Variants in SHOX observed in about 807,000 individuals in gnomAD.
The protein encoded by SHOX is SHOX homeobox.
A neutral mutation model predicts 29.6 loss-of-function variants in SHOX; 12 were observed. That is an observed-to-expected ratio of 0.41 (90% CI 0.26 to 0.66). SHOX has a LOEUF of 0.66. Ranked by LOEUF, SHOX falls within the 30% of genes least tolerant of loss-of-function variation. SHOX has a pLI of 0.35. For missense variants in SHOX, 499 were observed against 437.7 expected (o/e 1.14, Z -1.25); for synonymous variants, 214 against 200.6 (o/e 1.07, Z -0.57).
chrX:625,575 C>T (rs867196385), intron 1 of SHOX, among the ~76,000 whole-genome samples: 7 of 143,244 alleles, frequency 4.9e-5, no homozygotes, highest in East Asian at 2.1e-4. Flanking sequence ...TATCTCTGTC[C>T]ATCTCTGTCT....
intron 4 of SHOX, 39 bp downstream of exon 4, chrX:641,126 C>G (rs1439831573): frequency 7.0e-6 from 11 of 1,577,166 alleles, no homozygotes; most frequent in Non-Finnish European, 9.6e-6. Context: ...CCCTAGGGAC[C>G]TGCTGCTCCC....
rs188367048 is a variant in SHOX at position 651,247 on chromosome X, C to T, written c.*6611C>T. On this transcript the variant is annotated 3_prime_UTR_variant, in exon 5 of 5. Coordinates refer to ENST00000686671, the MANE Select transcript of SHOX (RefSeq NM_000451.4). ...TTTCCCTCCCCCATTGACGACATAG[C>T]GGCCCCCGCGTCCGGGTTACAAATA... The T allele has an allele frequency of 4.8e-3, 2,183 of 452,520 alleles. 11 individuals are homozygous for T. Among genetic ancestry groups the T allele is most frequent in the Non-Finnish European group, 7.6e-3 (1,705 of 224,946 alleles). The allele number at this position is 452,520 out of a possible 1,614,324, so 28.0% of individuals were successfully genotyped here.
At chrX:631,354 G>A (rs973116863) in intron 1 of SHOX, 180 bp downstream of exon 1, 11 of 332,482 alleles carry the variant, frequency 3.3e-5, no homozygotes, top group Non-Finnish European at 3.9e-5. Flanking sequence ...GGACCCGACC[G>A]GAGACGCGGG....
intron 1 of SHOX, 34 bp downstream of exon 1, chrX:631,208 C>T (rs1305058289): frequency 3.1e-6 from 5 of 1,611,040 alleles, no homozygotes; most frequent in African/African-American, 1.3e-5. Context: ...CCAGGGGGGC[C>T]CTCCTGGGGT....
chrX:624,386 C>G lies in SHOX; in HGVS notation c.-649C>G, dbSNP rs886039879. On this transcript the variant is annotated 5_prime_UTR_variant, in exon 1 of 6. Coordinates refer to the SHOX transcript ENST00000334060. ...GTCCTGAGAACAGGGGCTCCCCACA[C>G]TTTTTTTTTTTTTGGTTTTGTTTTA... is the stretch of plus-strand genomic sequence containing the variant. 3.1e-5 allele frequency: 4 copies of G among 130,934 alleles called. No homozygotes were observed. Among genetic ancestry groups the G allele is most frequent in the Admixed American group, 7.7e-5 (1 of 13,036 alleles). The allele number at this position is 130,934 out of a possible 1,614,324, so 8.1% of individuals were successfully genotyped here. A position where few individuals can be genotyped will look rare whatever the true frequency, so the allele number is the denominator to read the frequency against.
Position 631,133 on chromosome X carries a change from A to T in SHOX, c.236A>T (p.Lys79Met), listed in dbSNP as rs1556457962. Residue 79 changes from lysine (K) to methionine (M), a missense_variant, in exon 1 of 5, where the codon AAG becomes ATG. Lys to Met is a moderately conservative substitution (Grantham distance 95). Coordinates refer to ENST00000686671, the MANE Select transcript of SHOX (RefSeq NM_000451.4). ...HLFKDHVDND[K>M]EKLKEFGTAR... is the part of the protein sequence containing the mutation. The stretch of plus-strand genomic sequence containing the variant: ...TTCAAGGACCACGTAGACAATGACA[A>T]GGAGAAACTGAAAGAATTCGGCACC... The T allele has an allele frequency of 1.2e-6, 2 of 1,613,520 alleles. No individual in the cohort carries two copies. The highest frequency in any genetic ancestry group is 1.7e-6 in the Non-Finnish European group (2 of 1,179,860).
chrX:626,345 T>C (rs374853805), upstream of SHOX, among the ~76,000 whole-genome samples: 1 of 91,660 alleles, frequency 1.1e-5, no homozygotes, highest in Admixed American at 1.0e-4. Context: ...TGTATCTCTG[T>C]CTATCTCTGT....
chrX:624,906 C>CT (rs1301556296), intron 1 of SHOX, among the ~76,000 whole-genome samples: 2 of 80,702 alleles, frequency 2.5e-5, no homozygotes, highest in African/African-American at 1.3e-4. Flanking sequence ...TTCTTTCTCT[C>CT]TTCCTTTCTT....
At chrX:652,813 G>GA (rs1378484833), downstream of SHOX, among the ~76,000 whole-genome samples, 1 of 152,194 alleles carries the variant, frequency 6.6e-6, no homozygotes, top group Non-Finnish European at 1.5e-5. Flanking sequence ...CCGGACAGAA[G>GA]AAAAATGGTG....
chrX:642,617 A>T (rs2052875582), intron 4 of SHOX, among the ~76,000 whole-genome samples: 2 of 152,054 alleles, frequency 1.3e-5, no homozygotes. Context: ...TACTTCTTGT[A>T]CCGTCTTTTG....
chrX:632,034 A>G (rs1182562171), intron 1 of SHOX: 1 of 455,452 alleles, frequency 2.2e-6, no homozygotes, highest in Non-Finnish European at 4.4e-6. Context: ...GTTTCCTTTA[A>G]GGAACCCTTC....
chrX:644,684 C>A lies in SHOX; in HGVS notation c.*48C>A. 6 of 1,376,712 alleles carry A rather than the reference C, an allele frequency of 4.4e-6. No individual in the cohort carries two copies. The highest frequency in any genetic ancestry group is 3.0e-5 in the East Asian group (1 of 33,050). 85.3% of individuals were successfully genotyped at this position (1,376,712 alleles called of 1,614,324 possible). ...GCCCGGACTCCCGGGCTCCGCGCAC[C>A]CCGCCTGCACCGCGCGTCCTGCACT... On this transcript the variant is annotated 3_prime_UTR_variant, in exon 5 of 5. Coordinates refer to ENST00000686671, the MANE Select transcript of SHOX (RefSeq NM_000451.4).
chrX:653,683 GT>G (rs2053099498), downstream of SHOX, among the ~76,000 whole-genome samples: 1 of 152,060 alleles, frequency 6.6e-6, no homozygotes, highest in Non-Finnish European at 1.5e-5. Context: ...AGATCTTTGA[GT>G]TTTTATGTAA....
At position 644,549 on chromosome X, in the gene SHOX, C is replaced by A; in HGVS notation, c.792C>A (p.Ala264=). 6.6e-7 allele frequency: 1 copy of A among 1,517,952 alleles called. No individual in the cohort carries two copies. The highest frequency in any genetic ancestry group is 1.4e-5 in the African/African-American group (1 of 70,482). The allele number at this position is 1,517,952 out of a possible 1,614,324, so 94.0% of individuals were successfully genotyped here. A position where few individuals can be genotyped will look rare whatever the true frequency, so the allele number is the denominator to read the frequency against. The change falls in exon 5 of 5, where the codon GCC becomes GCA. Residue 264 remains alanine, a synonymous_variant. Transcript: ENST00000686671. ...AESASAAAVV[A]AAAKSNSKNS... ...CCGCCTCGGCCGCCGCCGTGGTCGC[C>A]GCCGCCGCCAAAAGCAACAGCAAGA...
chrX:634,218 C>A (rs1248063950), intron 1 of SHOX, among the ~76,000 whole-genome samples: 2 of 152,208 alleles, frequency 1.3e-5, no homozygotes, highest in Non-Finnish European at 2.9e-5. Flanking sequence ...GCAACCCGCC[C>A]CGGGTCCTCC....
At chrX:625,055 C>CTT (rs1421316085) in intron 1 of SHOX, among the ~76,000 whole-genome samples, 1 of 37,834 alleles carries the variant, frequency 2.6e-5, no homozygotes, top group Non-Finnish European at 5.0e-5. Context: ...CCCTCTGTTC[C>CTT]TTCCTCCCTC....
chrX:652,182 G>A (rs893375551), downstream of SHOX, among the ~76,000 whole-genome samples: 4 of 151,892 alleles, frequency 2.6e-5, no homozygotes, highest in Non-Finnish European at 4.4e-5. Flanking sequence ...GTCTGGGCCC[G>A]GCCGGTGATG....
At chrX:624,463 A>T (rs948828630) in exon 1 of SHOX, 1 of 151,528 alleles carries the variant, frequency 6.6e-6, no homozygotes, top group African/African-American at 2.4e-5. Context: ...GAGGGTGGAC[A>T]GGCGGGTAGG....
downstream of SHOX, among the ~76,000 whole-genome samples, chrX:655,596 CTCTCTCTCTCTCTCTCTCTATA>C (rs2053129916): frequency 7.3e-5 from 5 of 68,808 alleles, no homozygotes; most frequent in East Asian, 4.3e-4. Flanking sequence ...CTCTCTCTCT[CTCTCTCTCTCTCTCTCTCTATA>C]TATATATATA....
Sources: gnomAD v4.1 joint callset for allele counts (sites outside exome capture counted in the v4.1 genomes callset) on GRCh38, gnomAD v4.1.1 for gene constraint, MANE v1.5 for transcripts, NCBI Gene and HGNC (gene_info 2026-07-23, HGNC 2026-07-21) for gene names.